Variants in RORA observed in about 807,000 individuals in gnomAD.
RORA encodes nuclear receptor ROR-alpha.
RORA carries 7 observed loss-of-function variants against 69.5 expected under a neutral mutation model. The observed-to-expected ratio is 0.10, with a 90% CI of 0.06 to 0.19. The LOEUF is 0.19. Among genes scored for constraint, RORA ranks in the 10% least tolerant of loss-of-function variants. RORA has a pLI of 1.00. For missense variants in RORA, 457 were observed against 663.0 expected, an observed-to-expected ratio of 0.69 and a Z score of 3.41; for synonymous variants, 261 against 240.8, an observed-to-expected ratio of 1.08 and a Z score of -0.78.
chr15:60,726,017 A>G (rs554018910), intron 1 of RORA, among the ~76,000 whole-genome samples: 1 of 152,286 alleles, frequency 6.6e-6, no homozygotes, highest in Admixed American at 6.5e-5. Context: ...TCAACTAGGT[A>G]CCAGGCTAAA....
At chr15:60,962,066 G>A (rs1393373334) in intron 1 of RORA, among the ~76,000 whole-genome samples, 1 of 152,212 alleles carries the variant, frequency 6.6e-6, no homozygotes, top group Non-Finnish European at 1.5e-5. Context: ...GTGACCACGA[G>A]GCGAGAGAGT....
intron 1 of RORA, among the ~76,000 whole-genome samples, chr15:60,965,786 C>T (rs1283683834): frequency 6.6e-6 from 1 of 152,110 alleles, no homozygotes; most frequent in Non-Finnish European, 1.5e-5. Context: ...ACTAATTATG[C>T]CAACCTCTTT....
At chr15:60,946,503 G>A (rs943486896) in intron 1 of RORA, among the ~76,000 whole-genome samples, 2 of 152,212 alleles carry the variant, frequency 1.3e-5, no homozygotes, top group African/African-American at 4.8e-5. Context: ...CTCCTAACCG[G>A]GAGTGATCTG....
intron 1 of RORA, among the ~76,000 whole-genome samples, chr15:61,097,180 G>C (rs184272568): frequency 6.6e-6 from 1 of 152,336 alleles, no homozygotes; most frequent in African/African-American, 2.4e-5. Flanking sequence ...GATTTGAGCA[G>C]GGTCCAGAAA....
chr15:61,066,675 A>C (rs1595939874), intron 1 of RORA, among the ~76,000 whole-genome samples: 1 of 151,688 alleles, frequency 6.6e-6, no homozygotes, highest in East Asian at 1.9e-4. Flanking sequence ...TGATCCACCC[A>C]CCTTGGCCTC....
At chr15:60,687,859 A>G (rs2070770489) in intron 1 of RORA, among the ~76,000 whole-genome samples, 1 of 152,242 alleles carries the variant, frequency 6.6e-6, no homozygotes, top group Non-Finnish European at 1.5e-5. Context: ...ATGGGATTTT[A>G]GAATCAGGAA....
intron 1 of RORA, among the ~76,000 whole-genome samples, chr15:60,916,530 A>T (rs6494232): frequency 6.6e-6 from 1 of 152,228 alleles, no homozygotes; most frequent in African/African-American, 2.4e-5. Flanking sequence ...AAATATGCCA[A>T]TTCTGAATAT....
chr15:60,916,730 T>C (rs8037628), intron 1 of RORA, among the ~76,000 whole-genome samples: 20,545 of 152,080 alleles, frequency 0.14, 1,859 homozygotes, highest in African/African-American at 0.25. Context: ...TTAAAGCCCC[T>C]CTTGACCCCC....
intron 1 of RORA, among the ~76,000 whole-genome samples, chr15:61,082,043 C>T (rs989766106): frequency 2.0e-5 from 3 of 152,168 alleles, no homozygotes; most frequent in African/African-American, 7.2e-5. Flanking sequence ...AGTCACCTCA[C>T]AGGTTTACTG....
intron 1 of RORA, among the ~76,000 whole-genome samples, chr15:61,080,523 A>G (rs1180986998): frequency 6.6e-6 from 1 of 152,220 alleles, no homozygotes; most frequent in Non-Finnish European, 1.5e-5. Context: ...AAACCTGCAT[A>G]GATCTGGCCT....
At chr15:60,564,573 T>G (rs754034993) in intron 2 of RORA, among the ~76,000 whole-genome samples, 1 of 152,182 alleles carries the variant, frequency 6.6e-6, no homozygotes, top group Non-Finnish European at 1.5e-5. Flanking sequence ...GTGTTCTAAG[T>G]CTGCTGGGCT....
intron 1 of RORA, among the ~76,000 whole-genome samples, chr15:60,990,583 C>T (rs1222167538): frequency 6.6e-6 from 1 of 152,080 alleles, no homozygotes; most frequent in Non-Finnish European, 1.5e-5. Flanking sequence ...ACTGATAAGA[C>T]AGCAGATCCT....
At chr15:60,662,774 T>A (rs567501366) in intron 2 of RORA, among the ~76,000 whole-genome samples, 11 of 152,156 alleles carry the variant, frequency 7.2e-5, no homozygotes, top group Non-Finnish European at 1.5e-4. Flanking sequence ...AGAAAACATG[T>A]TTTTCACAAA....
Position 61,179,985 on chromosome 15 carries a change from CA to C in RORA, c.166+49067del, listed in dbSNP as rs570290376. ...AACCCGTTTCTACTAAAAAAAAAAA[CA>C]AAAAAAAAATAGCTGGGTGTGGTGG... On this transcript the variant is annotated intron_variant, in intron 1 of 10. Transcript: ENST00000335670. Among the ~76,000 whole-genome samples the C allele has an allele frequency of 3.3e-3, 468 of 143,206 alleles. 3 individuals are homozygous for C. The highest frequency in any genetic ancestry group is 0.012 in the African/African-American group (449 of 38,936). 93.9% of individuals were successfully genotyped at this position (143,206 alleles called of 152,430 possible). A position where few individuals can be genotyped will look rare whatever the true frequency, so the allele number is the denominator to read the frequency against.
At chr15:60,858,059 C>T (rs1278192710) in intron 1 of RORA, among the ~76,000 whole-genome samples, 1 of 152,200 alleles carries the variant, frequency 6.6e-6, no homozygotes, top group African/African-American at 2.4e-5. Flanking sequence ...CCTCAGTTTC[C>T]TTTCTGAAGT....
At chr15:61,003,231 G>A (rs911808611) in intron 1 of RORA, among the ~76,000 whole-genome samples, 2 of 152,066 alleles carry the variant, frequency 1.3e-5, no homozygotes, top group African/African-American at 2.4e-5. Flanking sequence ...TATATAGTAT[G>A]CAGTTTAAAA....
chr15:60,975,755 A>C (rs1029527237), intron 1 of RORA, among the ~76,000 whole-genome samples: 1 of 152,234 alleles, frequency 6.6e-6, no homozygotes, highest in African/African-American at 2.4e-5. Flanking sequence ...TAGGCTGGGC[A>C]CAGGAAACGG....
chr15:60,523,150 T>C (rs1379665201), intron 3 of RORA, among the ~76,000 whole-genome samples: 1 of 152,004 alleles, frequency 6.6e-6, no homozygotes, highest in African/African-American at 2.4e-5. Context: ...GTGGAAGAAA[T>C]GTTCTTCTGG....
intron 1 of RORA, among the ~76,000 whole-genome samples, chr15:61,075,890 C>T (rs1268880583): frequency 1.3e-5 from 2 of 152,190 alleles, no homozygotes; most frequent in African/African-American, 2.4e-5. Context: ...CCTCCCCATA[C>T]GGGCTTGTGG....
Sources: allele counts gnomAD v4.1 joint callset (sites outside exome capture counted in the v4.1 genomes callset), GRCh38; gene constraint gnomAD v4.1.1; transcripts MANE v1.5; gene names NCBI Gene and HGNC (gene_info 2026-07-23, HGNC 2026-07-21).